The following BMAL2 variants were observed in gnomAD, a reference collection of about 807,000 sequenced individuals.
BMAL2 encodes the protein basic helix-loop-helix ARNT like 2, also known as basic helix-loop-helix ARNT-like protein 2.
the BMAL2 span, among the ~76,000 whole-genome samples, chr12:27,370,384 C>T: frequency 2.0e-5 from 3 of 152,162 alleles, no homozygotes; most frequent in Non-Finnish European, 4.4e-5. Flanking sequence ...CTACCAGATT[C>T]TATTCCCTTT....
At chr12:27,366,483 G>A in the BMAL2 span, among the ~76,000 whole-genome samples, 1 of 151,948 alleles carries the variant, frequency 6.6e-6, no homozygotes, top group African/African-American at 2.4e-5. Context: ...GTGTTATTAG[G>A]TACAAATTGC....
the BMAL2 span, among the ~76,000 whole-genome samples, chr12:27,342,019 C>T: frequency 8.6e-5 from 13 of 150,732 alleles, no homozygotes; most frequent in Admixed American, 8.6e-4. Flanking sequence ...TCACTGCAAC[C>T]TCCACCTCCT....
the BMAL2 span, among the ~76,000 whole-genome samples, chr12:27,360,822 A>AAAAAAAAAC: frequency 1.3e-5 from 2 of 150,122 alleles, no homozygotes; most frequent in East Asian, 1.9e-4. Context: ...AAAAAAAAAA[A>AAAAAAAAAC]AAACAGTACT....
the BMAL2 span, chr12:27,368,411 C>G: frequency 2.5e-6 from 4 of 1,614,002 alleles, no homozygotes; most frequent in Non-Finnish European, 3.4e-6. Flanking sequence ...AGACCCATCC[C>G]AGTAAGTGAA....
the BMAL2 span, chr12:27,385,589 T>G: frequency 3.4e-6 from 5 of 1,457,156 alleles, no homozygotes; most frequent in Non-Finnish European, 4.8e-6. Context: ...GTCTAAGTTG[T>G]GTATGTGCTT....
chr12:27,381,852 T>C, the BMAL2 span, among the ~76,000 whole-genome samples: 1 of 152,070 alleles, frequency 6.6e-6, no homozygotes, highest in Admixed American at 6.6e-5. Context: ...TTTGTAAAGA[T>C]CTAGAAGATT....
At chr12:27,339,072 G>C in the BMAL2 span, among the ~76,000 whole-genome samples, 6,042 of 152,252 alleles carry the variant, frequency 0.04, 413 homozygotes, top group East Asian at 0.34. Flanking sequence ...ATTAAGCCTA[G>C]TACCCATTAG....
At chr12:27,357,143 C>A in the BMAL2 span, among the ~76,000 whole-genome samples, 1 of 152,058 alleles carries the variant, frequency 6.6e-6, no homozygotes, top group East Asian at 1.9e-4. Flanking sequence ...TTTCTTTATC[C>A]ACTTCTTGAT....
chr12:27,351,772 C>T, the BMAL2 span, among the ~76,000 whole-genome samples: 187 of 151,946 alleles, frequency 1.2e-3, no homozygotes, highest in African/African-American at 4.1e-3. Flanking sequence ...TCCCCTGTGG[C>T]GCCTTCAGTG....
At chr12:27,363,618 T>C in the BMAL2 span, among the ~76,000 whole-genome samples, 1 of 152,350 alleles carries the variant, frequency 6.6e-6, no homozygotes, top group East Asian at 1.9e-4. Flanking sequence ...TTTTATGAAG[T>C]GCCTATTCAA....
chr12:27,397,945 C>T, the BMAL2 span, among the ~76,000 whole-genome samples: 1 of 152,248 alleles, frequency 6.6e-6, no homozygotes, highest in African/African-American at 2.4e-5. Context: ...CCCACTACTG[C>T]GGACAGGGCA....
chr12:27,383,917 C>G, the BMAL2 span, among the ~76,000 whole-genome samples: 3 of 152,076 alleles, frequency 2.0e-5, no homozygotes, highest in African/African-American at 7.2e-5. Context: ...GTCTTTCTGC[C>G]CTGCCCACTT....
chr12:27,400,971 T>C, the BMAL2 span, among the ~76,000 whole-genome samples: 1 of 152,206 alleles, frequency 6.6e-6, no homozygotes, highest in African/African-American at 2.4e-5. Context: ...GAGTGTCTCT[T>C]AGCCAGTGGT....
the BMAL2 span, among the ~76,000 whole-genome samples, chr12:27,333,958 G>T: frequency 1.3e-5 from 2 of 152,202 alleles, no homozygotes; most frequent in African/African-American, 4.8e-5. Context: ...CAAATGAGAG[G>T]CAGGAAAACA....
At chr12:27,346,507 C>T in the BMAL2 span, among the ~76,000 whole-genome samples, 1 of 152,178 alleles carries the variant, frequency 6.6e-6, no homozygotes, top group Non-Finnish European at 1.5e-5. Flanking sequence ...AGGTGATCCA[C>T]CCACCTTGGC....
At chr12:27,406,466 A>G in the BMAL2 span, among the ~76,000 whole-genome samples, 1 of 152,202 alleles carries the variant, frequency 6.6e-6, no homozygotes, top group African/African-American at 2.4e-5. Flanking sequence ...AGAATTTTCA[A>G]CCCAGAAGTT....
the BMAL2 span, chr12:27,390,315 A>T: frequency 6.9e-7 from 1 of 1,442,370 alleles, no homozygotes. Flanking sequence ...GTACAGAAAA[A>T]ATAAAATATA....
the BMAL2 span, chr12:27,389,384 A>G: frequency 2.3e-3 from 1,845 of 802,580 alleles, 33 homozygotes; most frequent in African/African-American, 0.028. Flanking sequence ...TAAAACAGCT[A>G]ACTAAGCTTT....
the BMAL2 span, among the ~76,000 whole-genome samples, chr12:27,388,814 T>C: frequency 6.6e-6 from 1 of 152,226 alleles, no homozygotes; most frequent in Admixed American, 6.5e-5. Flanking sequence ...AGATATTCTG[T>C]GATTTCTATA....
Sources: gnomAD v4.1 joint callset for allele counts (sites outside exome capture counted in the v4.1 genomes callset) on GRCh38, gnomAD v4.1.1 for gene constraint, MANE v1.5 for transcripts, NCBI Gene and HGNC (gene_info 2026-07-23, HGNC 2026-07-21) for gene names.